Variants in TOPAZ1 observed in about 807,000 individuals in gnomAD.
TOPAZ1 encodes the protein testis and ovary specific TOPAZ 1, also known as protein TOPAZ1.
Under a neutral mutation model 172.2 loss-of-function variants are expected in TOPAZ1, and 66 were observed. That is an observed-to-expected ratio of 0.38 (90% confidence interval 0.31 to 0.47). TOPAZ1 has a LOEUF of 0.47. Ranked by LOEUF, TOPAZ1 falls within the 20% of genes least tolerant of loss-of-function variation. The pLI, the probability that TOPAZ1 is intolerant of heterozygous loss-of-function variation, is 0.99. For synonymous variants in TOPAZ1, 681 were observed against 683.9 expected, an observed-to-expected ratio of 1.00 and a Z score of 0.07; for missense variants, 1,822 against 1,972.4, an observed-to-expected ratio of 0.92 and a Z score of 1.44.
downstream of TOPAZ1, among the ~76,000 whole-genome samples, chr3:44,336,446 A>G (rs915411420): frequency 2.0e-5 from 3 of 152,216 alleles, no homozygotes; most frequent in Non-Finnish European, 4.4e-5. Context: ...TATGAGTAAC[A>G]TTATCTGTTG....
At chr3:44,311,714 T>G (rs1700399466) in intron 16 of TOPAZ1, among the ~76,000 whole-genome samples, 1 of 152,198 alleles carries the variant, frequency 6.6e-6, no homozygotes, top group Non-Finnish European at 1.5e-5. Context: ...AATTTTTTAA[T>G]TCTTAAAAGG....
rs183567766 is a variant in TOPAZ1, at chr3:44,243,756, A to G, written c.1250A>G (p.Gln417Arg). 280 of 1,551,752 alleles carry G rather than the reference A, an allele frequency of 1.8e-4. No homozygotes were observed. The highest frequency in any genetic ancestry group is 1.0e-3 in the African/African-American group (75 of 73,186). ...SSEHHVNAVF[Q>R]KTIEPLLKEE... ...GAACATCATGTAAATGCTGTGTTTC[A>G]GAAAACCATTGAACCACTTTTGAAA... Residue 417 changes from glutamine to arginine, a missense_variant, in exon 2 of 20, where the codon CAG becomes CGG. Coordinates refer to ENST00000309765, the MANE Select transcript of TOPAZ1 (RefSeq NM_001145030.2).
At chr3:44,334,947 G>A (rs1700707294), downstream of TOPAZ1, among the ~76,000 whole-genome samples, 1 of 152,106 alleles carries the variant, frequency 6.6e-6, no homozygotes, top group Non-Finnish European at 1.5e-5. Flanking sequence ...GATTGTGAGG[G>A]AGGCAGCATG....
At chr3:44,250,008 T>C (rs73086567) in intron 2 of TOPAZ1, among the ~76,000 whole-genome samples, 382 of 152,290 alleles carry the variant, frequency 2.5e-3, no homozygotes, top group Non-Finnish European at 4.1e-3. Context: ...AGCCAGTAAA[T>C]AATAACTTCT....
At chr3:44,246,513 GCTGT>G (rs1181513752) in intron 2 of TOPAZ1, among the ~76,000 whole-genome samples, 7 of 152,086 alleles carry the variant, frequency 4.6e-5, no homozygotes, top group African/African-American at 1.4e-4. Context: ...CAAATATAAT[GCTGT>G]CTATGTGCCA....
chr3:44,271,442 T>C (rs1481099193), intron 8 of TOPAZ1, among the ~76,000 whole-genome samples: 25 of 152,186 alleles, frequency 1.6e-4, no homozygotes, highest in Admixed American at 1.6e-3. Flanking sequence ...TTTGGAAATA[T>C]ACAGATATTT....
Position 44,242,095 on chromosome 3 carries a change from G to A in TOPAZ1, c.42G>A (p.Gly14=), listed in dbSNP as rs1699484202. Residue 14 remains glycine, a synonymous_variant, in exon 1 of 20, where the codon GGG becomes GGA. Coordinates refer to ENST00000309765, the MANE Select transcript of TOPAZ1 (RefSeq NM_001145030.2). ...CCCTGGGCCCCACGACGGCCTCAGG[G>A]CCTGAAGGCAATGTGCGAAACCTGC... ...PPPLGPTTAS[G]PEGNVRNLQK... The A allele has an allele frequency of 1.3e-6, 2 of 1,547,758 alleles. No homozygotes were observed. The highest frequency in any genetic ancestry group is 1.7e-6 in the Non-Finnish European group (2 of 1,146,502).
intron 8 of TOPAZ1, among the ~76,000 whole-genome samples, chr3:44,276,984 G>A (rs1256101199): frequency 1.3e-5 from 2 of 151,954 alleles, no homozygotes; most frequent in African/African-American, 4.8e-5. Context: ...GTAGAGACGG[G>A]ATTTCACCAT....
chr3:44,305,665 G>A (rs1183098035), intron 14 of TOPAZ1, among the ~76,000 whole-genome samples: 1 of 151,862 alleles, frequency 6.6e-6, no homozygotes, highest in African/African-American at 2.4e-5. Context: ...TCACAGCTCG[G>A]CCAGTGGCAG....
At chr3:44,335,781 T>C (rs994918199), downstream of TOPAZ1, among the ~76,000 whole-genome samples, 6 of 152,208 alleles carry the variant, frequency 3.9e-5, no homozygotes, top group Non-Finnish European at 7.3e-5. Context: ...TTAAAGTGTT[T>C]AGAGCATGCT....
At chr3:44,298,696 A>G (rs1700226731) in intron 12 of TOPAZ1, among the ~76,000 whole-genome samples, 1 of 151,088 alleles carries the variant, frequency 6.6e-6, no homozygotes, top group Non-Finnish European at 1.5e-5. Context: ...TGCTGGAGCA[A>G]TTGAACAGCC....
intron 4 of TOPAZ1, among the ~76,000 whole-genome samples, chr3:44,261,213 T>G (rs989869783): frequency 1.3e-5 from 2 of 152,100 alleles, no homozygotes; most frequent in Admixed American, 1.3e-4. Context: ...GTCCTCGGTT[T>G]GTTATGTTTT....
At chr3:44,268,366 CTTTTTTTTT>C (rs34027226) in intron 6 of TOPAZ1, among the ~76,000 whole-genome samples, 2 of 67,484 alleles carry the variant, frequency 3.0e-5, no homozygotes, top group African/African-American at 1.1e-4. Context: ...GGTGCCTATT[CTTTTTTTTT>C]TTTTTTTTTT....
At chr3:44,287,602 T>C in intron 10 of TOPAZ1, 62 bp downstream of exon 10, 4 of 1,224,422 alleles carry the variant, frequency 3.3e-6, no homozygotes, top group Non-Finnish European at 4.4e-6. Context: ...GTCATATTCA[T>C]TGTTTGAACT....
intron 15 of TOPAZ1, 75 bp downstream of exon 15, chr3:44,306,501 A>G (rs2125700213): frequency 1.2e-6 from 1 of 832,818 alleles, no homozygotes; most frequent in Non-Finnish European, 1.9e-6. Context: ...ATATAAGTTA[A>G]CCCTGCAAAT....
chr3:44,285,605 G>A (rs1008900177), intron 9 of TOPAZ1, among the ~76,000 whole-genome samples: 14 of 152,018 alleles, frequency 9.2e-5, no homozygotes, highest in African/African-American at 2.9e-4. Context: ...AGTCTTCCCC[G>A]GTCGCCCAGG....
chr3:44,245,307 G>T, intron 2 of TOPAZ1, 36 bp downstream of exon 2: 1 of 1,475,168 alleles, frequency 6.8e-7, no homozygotes, highest in Non-Finnish European at 9.0e-7. Flanking sequence ...AGTGCAGATT[G>T]TTGGGGGTTA....
rs760061721 is a variant in TOPAZ1 at position 44,243,510 on chromosome 3, A to G, written c.1004A>G (p.Lys335Arg). ...GGGCGAAAACCCAGGAAAAGGATGA[A>G]GTTGTCTGAAAAAGCAGATGAAACA... is the stretch of plus-strand genomic sequence containing the variant. ...SVGRKPRKRM[K>R]LSEKADETVT... Residue 335 changes from lysine to arginine, a missense_variant, in exon 2 of 20, where the codon AAG (lysine) becomes AGG (arginine). Coordinates refer to ENST00000309765, the MANE Select transcript of TOPAZ1 (RefSeq NM_001145030.2). 41 of 1,551,706 alleles carry G rather than the reference A, an allele frequency of 2.6e-5. No homozygotes were observed. The South Asian group carries it at 4.8e-4, about 18-fold the overall frequency.
intron 16 of TOPAZ1, among the ~76,000 whole-genome samples, chr3:44,312,632 A>G (rs1358248542): frequency 6.6e-6 from 1 of 152,172 alleles, no homozygotes; most frequent in Non-Finnish European, 1.5e-5. Flanking sequence ...TCTTTCTCAT[A>G]CTAGTGCTTT....
Sources: allele counts gnomAD v4.1 joint callset (sites outside exome capture counted in the v4.1 genomes callset), GRCh38; gene constraint gnomAD v4.1.1; transcripts MANE v1.5; gene names NCBI Gene and HGNC (gene_info 2026-07-23, HGNC 2026-07-21).